ULK1: variants seen among roughly 807,000 people sequenced by gnomAD.
ULK1 encodes serine/threonine-protein kinase ULK1.
In ULK1, 48 loss-of-function variants were observed where a neutral mutation model predicts 117.5. The observed-to-expected ratio is 0.41, with a 90% confidence interval of 0.32 to 0.52. ULK1 has a LOEUF of 0.52. ULK1 is among the 20% of genes least tolerant of loss of function. The pLI, the probability that ULK1 is intolerant of heterozygous loss-of-function variation, is 0.29. For missense variants in ULK1, 1,387 were observed against 1,473.4 expected, an observed-to-expected ratio of 0.94 and a Z score of 0.96; for synonymous variants, 790 against 637.8, an observed-to-expected ratio of 1.24 and a Z score of -3.60.
At chr12:131,899,275 G>A (rs191513463) in intron 3 of ULK1, among the ~76,000 whole-genome samples, 157 of 136,868 alleles carry the variant, frequency 1.1e-3, no homozygotes, top group Non-Finnish European at 2.0e-3. Flanking sequence ...TGCAATCTCC[G>A]CCTCCCGGGT....
At chr12:131,914,151 C>G (rs1292642088) in intron 15 of ULK1, among the ~76,000 whole-genome samples, 1 of 152,246 alleles carries the variant, frequency 6.6e-6, no homozygotes, top group Non-Finnish European at 1.5e-5. Flanking sequence ...ACTGGGAGTC[C>G]AGGTGGGGTG....
intron 5 of ULK1, 98 bp downstream of exon 5, chr12:131,907,629 T>C: frequency 2.1e-6 from 3 of 1,440,866 alleles, no homozygotes; most frequent in East Asian, 5.0e-5. Context: ...CTGGCTCGAG[T>C]GGGTCCTTGG....
chr12:131,904,848 G>A (rs1046792515), intron 3 of ULK1, among the ~76,000 whole-genome samples: 4 of 152,224 alleles, frequency 2.6e-5, no homozygotes, highest in East Asian at 1.9e-4. Flanking sequence ...GGGCATGGCC[G>A]TCCTGAAGTT....
At chr12:131,910,206 G>A (rs202150853) in intron 10 of ULK1, 48 bp from the exon 11 acceptor site, 3 of 1,610,890 alleles carry the variant, frequency 1.9e-6, no homozygotes, top group East Asian at 2.2e-5. Flanking sequence ...GGGGCCTGGG[G>A]TCAGAGCTGG....
In ULK1 at chr12:131,908,902, C is replaced by T. The variant is rs983819114; in HGVS notation, c.495C>T (p.Asp165=). The change falls in exon 7 of 28, where the codon GAC becomes GAT. Residue 165 remains aspartate, a synonymous_variant. Transcript: ENST00000321867. ...NPNSIRVKIA[D]FGFARYLQSN... is the part of the protein sequence containing the mutation. Reference sequence around the variant, plus strand: ...CCTGACGCTTCTCTCCCGCAGCTGACTTCGGCTTCGCGCGGTACCTCCAGA... The same window carrying T: ...CCTGACGCTTCTCTCCCGCAGCTGATTTCGGCTTCGCGCGGTACCTCCAGA... 2 of 1,610,940 alleles carry T rather than the reference C, an allele frequency of 1.2e-6. No homozygotes were observed. Among genetic ancestry groups the T allele is most frequent in the Non-Finnish European group, 1.7e-6 (2 of 1,179,742 alleles).
rs919347274 is a variant in ULK1 at position 131,923,137 on chromosome 12, C to T, written c.*1776C>T. The T allele has an allele frequency of 7.2e-5, 11 of 152,206 alleles. No homozygotes were observed. The highest frequency in any genetic ancestry group is 1.5e-4 in the Non-Finnish European group (10 of 68,042). The allele number at this position is 152,206 out of a possible 1,614,324, so 9.4% of individuals were successfully genotyped here. A position where few individuals can be genotyped will look rare whatever the true frequency, so the allele number is the denominator to read the frequency against. ...TATAATACCAACGTAAGGAAATAAA[C>T]CTTTGGAATTGTTGGGCTGGTGTCA... On this transcript the variant is annotated 3_prime_UTR_variant, in exon 28 of 28. Transcript: ENST00000321867.
In ULK1 at chr12:131,917,472, C is replaced by A; in HGVS notation, c.2244C>A (p.Ser748Arg). The change falls in exon 22 of 28, where the codon AGC (serine) becomes AGA (arginine). Residue 748 changes from serine to arginine, a missense_variant. Ser to Arg is a moderately radical substitution (Grantham distance 110). This residue lies in a region of ULK1 where 900 missense variants were observed against 858.9 expected (regional missense o/e 1.05). Coordinates refer to ENST00000321867, the MANE Select transcript of ULK1 (RefSeq NM_003565.4). Reference protein sequence around the residue: ...HPGARAGGTSSPSPVVFTVGS... With the variant: ...HPGARAGGTSRPSPVVFTVGS... ...GAGCCCGTGCTGGGGGCACCAGCAGCCCTTCCCCGGTGGTCTTCACCGTGG... is the reference window on the plus strand; with the variant it reads ...GAGCCCGTGCTGGGGGCACCAGCAGACCTTCCCCGGTGGTCTTCACCGTGG... The A allele has an allele frequency of 1.3e-6, 2 of 1,525,132 alleles. No individual in the cohort carries two copies. The highest frequency in any genetic ancestry group is 2.5e-5 in the South Asian group (2 of 80,264). The allele number at this position is 1,525,132 out of a possible 1,614,324, so 94.5% of individuals were successfully genotyped here. A position where few individuals can be genotyped will look rare whatever the true frequency, so the allele number is the denominator to read the frequency against.
intron 23 of ULK1, 39 bp downstream of exon 23, chr12:131,918,720 G>A (rs1454897247): frequency 8.8e-7 from 1 of 1,142,426 alleles, no homozygotes; most frequent in Non-Finnish European, 1.1e-6. Context: ...ATTCTGGCTG[G>A]AGGGTGTGTG....
rs1203049084 is a variant in ULK1 at position 131,920,156 on chromosome 12, C to T, written c.2961+20C>T. ...CAGATGGTACGGGACAGACAGACACCAGTGGGGCAGGGGCCAGGAACTTCC... is the reference window on the plus strand; with the variant it reads ...CAGATGGTACGGGACAGACAGACACTAGTGGGGCAGGGGCCAGGAACTTCC... On this transcript the variant is annotated intron_variant, in intron 26 of 27. Transcript: ENST00000321867. The T allele has an allele frequency of 1.2e-6, 2 of 1,604,870 alleles. No homozygotes were observed. Among genetic ancestry groups the T allele is most frequent in the South Asian group, 1.1e-5 (1 of 90,892 alleles).
In ULK1 at chr12:131,919,281, G is replaced by A. The variant is rs763688527; in HGVS notation, c.2581G>A (p.Ala861Thr). The A allele has an allele frequency of 6.3e-6, 10 of 1,598,448 alleles. No homozygotes were observed. The highest frequency in any genetic ancestry group is 4.0e-5 in the African/African-American group (3 of 74,708). Residue 861 changes from alanine (A) to threonine (T), a missense_variant, in exon 24 of 28, where the codon GCA becomes ACA. Transcript: ENST00000321867. Reference sequence around the variant, plus strand: ...GTTCGTGCAGCACGTCCTGGAGATCGCAGCCCTGAAGGGCAGCGCCAGTGA... The same window carrying A: ...GTTCGTGCAGCACGTCCTGGAGATCACAGCCCTGAAGGGCAGCGCCAGTGA... ...LLFVQHVLEI[A>T]ALKGSASEAA...
At chr12:131,910,345 A>G (rs1566120212) in intron 11 of ULK1, 41 bp downstream of exon 11, 5 of 1,611,918 alleles carry the variant, frequency 3.1e-6, no homozygotes, top group Non-Finnish European at 4.2e-6. Context: ...TGGGCCCTGC[A>G]TGCACCCCTT....
intron 22 of ULK1, 96 bp downstream of exon 22, chr12:131,917,650 G>GC (rs1889923083): frequency 6.6e-6 from 8 of 1,203,248 alleles, no homozygotes; most frequent in South Asian, 5.9e-5. Flanking sequence ...CTGGACTACA[G>GC]CCCCCCAGAG....
At chr12:131,914,685 G>A (rs1447693884) in intron 16 of ULK1, among the ~76,000 whole-genome samples, 2 of 152,230 alleles carry the variant, frequency 1.3e-5, no homozygotes, top group African/African-American at 4.8e-5. Flanking sequence ...AATCTCTCTA[G>A]TTTATAAAAT....
intron 3 of ULK1, among the ~76,000 whole-genome samples, chr12:131,904,265 C>T (rs1483189410): frequency 1.3e-5 from 2 of 152,228 alleles, no homozygotes; most frequent in African/African-American, 4.8e-5. Flanking sequence ...CCTCCCACCT[C>T]AGTCCTGAGT....
rs1445596160 is a variant in ULK1 at position 131,921,501 on chromosome 12, T to C, written c.*140T>C. ...CCCTGGGCCCCACGGACAGTCAGCC[T>C]GCCGGCCTCCCTGCAGCTCACGGGG... is the stretch of plus-strand genomic sequence containing the variant. On this transcript the variant is annotated 3_prime_UTR_variant, in exon 28 of 28. Coordinates refer to ENST00000321867, the MANE Select transcript of ULK1 (RefSeq NM_003565.4). 7.6e-7 allele frequency: 1 copy of C among 1,307,252 alleles called. No individual in the cohort carries two copies. Among genetic ancestry groups the C allele is most frequent in the Non-Finnish European group, 1.1e-6 (1 of 931,788 alleles). The allele number at this position is 1,307,252 out of a possible 1,614,324, so 81.0% of individuals were successfully genotyped here. A position where few individuals can be genotyped will look rare whatever the true frequency, so the allele number is the denominator to read the frequency against.
chr12:131,913,736 C>T lies in ULK1; in HGVS notation c.1158-11C>T. ...CAAAAAAATGCCCTTGGCCTCCCTT[C>T]TGCCCCACAGGAGCTCACTGGTGGC... is the stretch of plus-strand genomic sequence containing the variant. On this transcript the variant is annotated splice_polypyrimidine_tract_variant and intron_variant, in intron 14 of 27. Coordinates refer to ENST00000321867, the MANE Select transcript of ULK1 (RefSeq NM_003565.4). The T allele has an allele frequency of 6.7e-7, 1 of 1,499,172 alleles. No individual in the cohort carries two copies. Among genetic ancestry groups the T allele is most frequent in the Non-Finnish European group, 8.9e-7 (1 of 1,122,908 alleles). 92.9% of individuals were successfully genotyped at this position (1,499,172 alleles called of 1,614,324 possible).
Position 131,908,792 on chromosome 12 carries a change from C to G in ULK1, c.465C>G (p.Asn155Lys). 2 of 1,607,678 alleles carry G rather than the reference C, an allele frequency of 1.2e-6. No individual in the cohort carries two copies. The highest frequency in any genetic ancestry group is 1.7e-6 in the Non-Finnish European group (2 of 1,177,772). ...LLSNPAGRRA[N>K]PNSIRVKIAD... Reference sequence around the variant, plus strand: ...CCAACCCCGCCGGCCGCCGCGCCAACCCCAACAGCATCCGCGTCAAGATCG... The same window carrying G: ...CCAACCCCGCCGGCCGCCGCGCCAAGCCCAACAGCATCCGCGTCAAGATCG... The change falls in exon 6 of 28, where the codon AAC (asparagine) becomes AAG (lysine). Residue 155 changes from asparagine (N) to lysine (K), a missense_variant. Physicochemically the swap from Asn to Lys is moderately conservative, Grantham distance 94. This residue lies in a region of ULK1 where 224 missense variants were observed against 325.2 expected (regional missense o/e 0.69). Coordinates refer to ENST00000321867, the MANE Select transcript of ULK1 (RefSeq NM_003565.4).
At position 131,916,541 on chromosome 12, in the gene ULK1, G is replaced by T. The variant is rs375776903; in HGVS notation, c.2022G>T (p.Pro674=). The stretch of plus-strand genomic sequence containing the variant: ...AGGTGGGACCCTTCCATGGTCAGCC[G>T]TTGGGCCCTGGCCTGCGGCCAGGCG... The part of the protein sequence containing the change: ...LSEVGPFHGQ[P]LGPGLRPGED... Residue 674 remains proline, a synonymous_variant, in exon 20 of 28, where the codon CCG becomes CCT. Coordinates refer to ENST00000321867, the MANE Select transcript of ULK1 (RefSeq NM_003565.4). 2 of 1,608,980 alleles carry T rather than the reference G, an allele frequency of 1.2e-6. No individual in the cohort carries two copies. The highest frequency in any genetic ancestry group is 3.4e-5 in the Admixed American group (2 of 59,578).
At chr12:131,907,711 G>A (rs970807670) in intron 5 of ULK1, among the ~76,000 whole-genome samples, 180 bp downstream of exon 5, 21 of 152,122 alleles carry the variant, frequency 1.4e-4, no homozygotes, top group African/African-American at 4.8e-4. Flanking sequence ...AGCTGCTCCC[G>A]GCTGTTAAGG....
Sources: gnomAD v4.1 joint callset for allele counts (sites outside exome capture counted in the v4.1 genomes callset) on GRCh38, gnomAD v4.1.1 for gene constraint, gnomAD v4.1.1 regional missense constraint, MANE v1.5 for transcripts, NCBI Gene and HGNC (gene_info 2026-07-23, HGNC 2026-07-21) for gene names.